The following KSR2 variants were observed in gnomAD, a reference collection of about 807,000 sequenced individuals.
KSR2 encodes kinase suppressor of ras 2.
In KSR2, 25 loss-of-function variants were observed where a neutral mutation model predicts 107.8. The observed-to-expected ratio is 0.23, with a 90% CI of 0.17 to 0.32. The LOEUF (loss-of-function observed/expected upper bound fraction) is 0.32, where lower values mean the gene tolerates loss of function less well. Among genes scored for constraint, KSR2 ranks in the 10% least tolerant of loss-of-function variants. The pLI, the probability that KSR2 is intolerant of heterozygous loss-of-function variation, is 1.00. For missense variants in KSR2, 887 were observed against 1,268.9 expected, an observed-to-expected ratio of 0.70 and a Z score of 4.57; for synonymous variants, 480 against 507.0, an observed-to-expected ratio of 0.95 and a Z score of 0.71.
chr12:117,886,153 T>C (rs1042946813), intron 1 of KSR2, among the ~76,000 whole-genome samples: 6 of 150,806 alleles, frequency 4.0e-5, no homozygotes, highest in African/African-American at 1.5e-4. Context: ...AATAAAAATA[T>C]ACATGTACAT....
At chr12:117,830,354 AG>A (rs1891914099) in intron 3 of KSR2, among the ~76,000 whole-genome samples, 1 of 152,076 alleles carries the variant, frequency 6.6e-6, no homozygotes, top group Admixed American at 6.5e-5. Context: ...GACTCCTAGA[AG>A]GGGGAGGGAA....
intron 4 of KSR2, among the ~76,000 whole-genome samples, chr12:117,737,782 CAA>C (rs10587288): frequency 0.027 from 2,256 of 83,878 alleles, 11 homozygotes; most frequent in Middle Eastern, 0.039. Context: ...AATCCTGTCT[CAA>C]AAAAAAAAAA....
intron 1 of KSR2, among the ~76,000 whole-genome samples, chr12:117,900,257 C>CTATT (rs939029808): frequency 1.3e-5 from 2 of 152,196 alleles, no homozygotes; most frequent in Non-Finnish European, 2.9e-5. Flanking sequence ...AACAAAGAGG[C>CTATT]TATTGACTGT....
intron 5 of KSR2, among the ~76,000 whole-genome samples, chr12:117,608,555 G>A (rs1432644895): frequency 6.6e-6 from 1 of 152,122 alleles, no homozygotes; most frequent in Admixed American, 6.5e-5. Flanking sequence ...ATCGGCACCT[G>A]AGGCACAGTG....
At chr12:117,809,062 C>T (rs903794139) in intron 3 of KSR2, among the ~76,000 whole-genome samples, 1 of 152,030 alleles carries the variant, frequency 6.6e-6, no homozygotes, top group Non-Finnish European at 1.5e-5. Flanking sequence ...AGCAGACTCC[C>T]CACCCCCCGC....
At chr12:117,488,525 G>C (rs190351744) in intron 14 of KSR2, among the ~76,000 whole-genome samples, 1 of 152,194 alleles carries the variant, frequency 6.6e-6, no homozygotes, top group East Asian at 1.9e-4. Context: ...TCATGAATGG[G>C]ATTAGTGCTC....
At chr12:117,951,732 T>C (rs1896369816) in intron 1 of KSR2, among the ~76,000 whole-genome samples, 1 of 152,158 alleles carries the variant, frequency 6.6e-6, no homozygotes, top group Non-Finnish European at 1.5e-5. Context: ...ATCTTGAGAC[T>C]ATTTCCTCAA....
chr12:117,881,137 C>T (rs7306734), intron 1 of KSR2, among the ~76,000 whole-genome samples: 18,074 of 151,974 alleles, frequency 0.12, 1,164 homozygotes, highest in African/African-American at 0.13. Flanking sequence ...TGAGTTTCCC[C>T]GGAATAATTA....
chr12:117,901,025 A>G (rs2137393486), intron 1 of KSR2, among the ~76,000 whole-genome samples: 1 of 152,180 alleles, frequency 6.6e-6, no homozygotes, highest in South Asian at 2.1e-4. Context: ...GGCATCAAGG[A>G]CTCTTCCAAA....
At chr12:117,795,177 T>C (rs1162302949) in intron 3 of KSR2, among the ~76,000 whole-genome samples, 1 of 152,198 alleles carries the variant, frequency 6.6e-6, no homozygotes, top group African/African-American at 2.4e-5. Flanking sequence ...TCCCTTGCTG[T>C]TGACAGTGCC....
chr12:117,513,008 G>A (rs1242464897), intron 14 of KSR2, among the ~76,000 whole-genome samples: 1 of 151,758 alleles, frequency 6.6e-6, no homozygotes, highest in Non-Finnish European at 1.5e-5. Flanking sequence ...GTAGTTCACC[G>A]CCCACCCCTC....
At chr12:117,603,917 G>GC (rs1471414136) in intron 5 of KSR2, among the ~76,000 whole-genome samples, 2 of 152,270 alleles carry the variant, frequency 1.3e-5, no homozygotes, top group East Asian at 3.9e-4. Flanking sequence ...TCTGGCTGCT[G>GC]CCCCCTCCCT....
At chr12:117,725,114 C>A (rs989831128) in intron 4 of KSR2, among the ~76,000 whole-genome samples, 48 of 149,722 alleles carry the variant, frequency 3.2e-4, no homozygotes, top group African/African-American at 1.1e-3. Context: ...ACACACACAC[C>A]CCAAAAACAA....
chr12:117,716,987 TA>T (rs1157287236), intron 4 of KSR2, among the ~76,000 whole-genome samples: 2 of 152,336 alleles, frequency 1.3e-5, no homozygotes, highest in South Asian at 4.1e-4. Context: ...CTGATGCTCA[TA>T]GTTTGACTTT....
Position 117,947,257 on chromosome 12 carries a change from G to GAAAGAAAGA in KSR2, c.180+20818_180+20819insTCTTTCTTT, listed in dbSNP as rs1555260494. ...AGAAAGAAAGAAAGAAAGAAAGAAA[G>GAAAGAAAGA]AAGATAAACCACATGACCATACTAA... On this transcript the variant is annotated intron_variant, in intron 1 of 19. Transcript: ENST00000339824. Among the ~76,000 whole-genome samples, 213 of 118,088 alleles carry GAAAGAAAGA rather than the reference G, an allele frequency of 1.8e-3. 3 individuals are homozygous for GAAAGAAAGA. Among genetic ancestry groups the GAAAGAAAGA allele is most frequent in the Middle Eastern group, 4.3e-3 (1 of 232 alleles). 77.5% of individuals were successfully genotyped at this position (118,088 alleles called of 152,430 possible).
chr12:117,514,208 C>G lies in KSR2; in HGVS notation c.2219+10644G>C, dbSNP rs1317824705. ...CTTCATTTCCAAAGGCCTGCCAACT[C>G]CCTGTTGCTTTCCCCTACGGGAGGC... On this transcript the variant is annotated intron_variant, in intron 14 of 19. Coordinates refer to ENST00000339824, the MANE Select transcript of KSR2 (RefSeq NM_173598.6). 5.3e-5 allele frequency among the ~76,000 whole-genome samples: 8 copies of G among 152,240 alleles called. No individual in the cohort carries two copies. In the East Asian group the frequency reaches 1.5e-3, roughly 29 times the overall value.
At chr12:117,853,064 A>C (rs944440384) in intron 3 of KSR2, among the ~76,000 whole-genome samples, 1 of 152,124 alleles carries the variant, frequency 6.6e-6, no homozygotes, top group Non-Finnish European at 1.5e-5. Context: ...CGGCCTCCTA[A>C]AGTGCTGGGA....
chr12:117,877,202 T>C (rs1893881463), intron 1 of KSR2, among the ~76,000 whole-genome samples: 1 of 151,880 alleles, frequency 6.6e-6, no homozygotes, highest in South Asian at 2.1e-4. Flanking sequence ...CTGGGCATGG[T>C]GGTGGGCGCC....
intron 10 of KSR2, among the ~76,000 whole-genome samples, chr12:117,533,418 G>C (rs1342397732): frequency 6.6e-6 from 1 of 152,194 alleles, no homozygotes; most frequent in Non-Finnish European, 1.5e-5. Flanking sequence ...AGATGAAACA[G>C]CAAAAACCTT....
Sources: gnomAD v4.1 joint callset for allele counts (sites outside exome capture counted in the v4.1 genomes callset) on GRCh38, gnomAD v4.1.1 for gene constraint, MANE v1.5 for transcripts, NCBI Gene and HGNC (gene_info 2026-07-23, HGNC 2026-07-21) for gene names.